Variants in DBT observed in about 807,000 individuals in gnomAD.
DBT encodes dihydrolipoamide branched chain transacylase E2.
A neutral mutation model predicts 51.3 loss-of-function variants in DBT; 40 were observed. That is an observed-to-expected ratio of 0.78 (90% CI 0.61 to 1.02). The LOEUF (loss-of-function observed/expected upper bound fraction) is 1.02. Ranked by LOEUF, DBT falls within the 50% of genes least tolerant of loss-of-function variation. The pLI, the probability that DBT is intolerant of heterozygous loss-of-function variation, is 0.00. For synonymous variants in DBT, 181 were observed against 190.4 expected (o/e 0.95, Z 0.41); for missense variants, 510 against 580.2 (o/e 0.88, Z 1.24).
intron 7 of DBT, chr1:100,213,521 G>A (rs921667920): frequency 6.4e-7 from 1 of 1,550,390 alleles, no homozygotes; most frequent in Non-Finnish European, 8.9e-7. Context: ...GGTCGTGGGA[G>A]GCTGTCCCGT....
rs766612235 is a variant in DBT at position 100,196,442 on chromosome 1, A to G, written c.1282-20T>C. ...AATGGCCTAGAAATGAAAAAAAAAAAAAAAAAAAAAAAAAAAAGAACAAAG... is the reference window on the plus strand; with the variant it reads ...AATGGCCTAGAAATGAAAAAAAAAAGAAAAAAAAAAAAAAAAAGAACAAAG... On this transcript the variant is annotated intron_variant, in intron 10 of 10. Coordinates refer to ENST00000370132, the MANE Select transcript of DBT (RefSeq NM_001918.5). 12 of 1,449,310 alleles carry G rather than the reference A, an allele frequency of 8.3e-6. No individual in the cohort carries two copies. Among genetic ancestry groups the G allele is most frequent in the Non-Finnish European group, 1.0e-5 (11 of 1,054,632 alleles). The allele number at this position is 1,449,310 out of a possible 1,614,324, so 89.8% of individuals were successfully genotyped here. A position where few individuals can be genotyped will look rare whatever the true frequency, so the allele number is the denominator to read the frequency against.
chr1:100,229,606 G>A (rs1389123507), intron 4 of DBT, among the ~76,000 whole-genome samples: 1 of 152,140 alleles, frequency 6.6e-6, no homozygotes, highest in East Asian at 1.9e-4. Flanking sequence ...TTGTTCCACC[G>A]ACTGTAGAAC....
chr1:100,225,048 T>TACAC (rs1308736153), intron 4 of DBT, among the ~76,000 whole-genome samples: 4 of 63,456 alleles, frequency 6.3e-5, no homozygotes, highest in East Asian at 7.7e-4. Context: ...AAAAAATATA[T>TACAC]ATATACACAC....
At chr1:100,228,234 A>C (rs1663338312) in intron 4 of DBT, among the ~76,000 whole-genome samples, 1 of 152,224 alleles carries the variant, frequency 6.6e-6, no homozygotes, top group Non-Finnish European at 1.5e-5. Context: ...CAATGCAACA[A>C]GACAAATCCA....
chr1:100,246,571 A>C (rs1267383149), intron 1 of DBT, among the ~76,000 whole-genome samples: 1 of 152,250 alleles, frequency 6.6e-6, no homozygotes, highest in East Asian at 1.9e-4. Context: ...AATGTAAAAC[A>C]CAACATTATA....
chr1:100,246,658 CT>C (rs1315606454), intron 1 of DBT, among the ~76,000 whole-genome samples: 5 of 149,802 alleles, frequency 3.3e-5, no homozygotes, highest in South Asian at 2.1e-4. Flanking sequence ...ACAAACCTGA[CT>C]TTTTTTTTTA....
chr1:100,237,450 C>G (rs1167827791), intron 2 of DBT, among the ~76,000 whole-genome samples: 1 of 152,108 alleles, frequency 6.6e-6, no homozygotes, highest in Admixed American at 6.5e-5. Context: ...TTGTTTGTTA[C>G]TCAGCAGTAA....
rs1393124311 is a variant in DBT at position 100,190,456 on chromosome 1, C to T, written c.*5799G>A. 5 of 152,328 alleles carry T rather than the reference C, an allele frequency of 3.3e-5. No individual in the cohort carries two copies. The highest frequency in any genetic ancestry group is 3.9e-4 in the East Asian group (2 of 5,190). 9.4% of individuals were successfully genotyped at this position (152,328 alleles called of 1,614,324 possible). A position where few individuals can be genotyped will look rare whatever the true frequency, so the allele number is the denominator to read the frequency against. ...AGGAACAAGGTTTATGGACACATAA[C>T]ATTACCCTGCCACAATGAAATTTGT... On this transcript the variant is annotated 3_prime_UTR_variant, in exon 11 of 11. Coordinates refer to ENST00000370132, the MANE Select transcript of DBT (RefSeq NM_001918.5).
rs984826061 is a variant in DBT, at chr1:100,240,665, T to A, written c.175+96A>T. 33 of 1,056,306 alleles carry A rather than the reference T, an allele frequency of 3.1e-5. No homozygotes were observed. The African/African-American group carries it at 4.6e-4, about 15-fold the overall frequency. 65.4% of individuals were successfully genotyped at this position (1,056,306 alleles called of 1,614,324 possible). On this transcript the variant is annotated intron_variant, in intron 2 of 10. Transcript: ENST00000370132. Reference sequence around the variant, plus strand: ...CCGGCTAGAAATACAGAGTCAACTTTTTTTTGTTTAAAAAGTCTCAATCAA... The same window carrying A: ...CCGGCTAGAAATACAGAGTCAACTTATTTTTGTTTAAAAAGTCTCAATCAA...
chr1:100,230,640 A>AC (rs1663496619), intron 4 of DBT, 93 bp downstream of exon 4: 2 of 809,816 alleles, frequency 2.5e-6, no homozygotes, highest in Non-Finnish European at 1.9e-6. Flanking sequence ...AAAAAAAAAA[A>AC]ACAAAAAAAC....
intron 3 of DBT, among the ~76,000 whole-genome samples, chr1:100,233,457 G>C (rs1028976687): frequency 6.6e-6 from 1 of 151,946 alleles, no homozygotes; most frequent in Non-Finnish European, 1.5e-5. Flanking sequence ...CTATTCCCAG[G>C]CTTCATTTTA....
In DBT at chr1:100,189,682, G is replaced by T. The variant is rs1055792139; in HGVS notation, c.*6573C>A. 11 of 152,156 alleles carry T rather than the reference G, an allele frequency of 7.2e-5. No homozygotes were observed. The highest frequency in any genetic ancestry group is 2.7e-4 in the African/African-American group (11 of 41,440). The allele number at this position is 152,156 out of a possible 1,614,324, so 9.4% of individuals were successfully genotyped here. ...GAAGTTTGGCAGAAGGAGCAAGACA[G>T]GAAATTTATTCATTTAGTGGCAGTC... On this transcript the variant is annotated 3_prime_UTR_variant, in exon 11 of 11. Transcript: ENST00000370132.
At chr1:100,211,197 A>G (rs991917731) in intron 7 of DBT, 2 of 751,222 alleles carry the variant, frequency 2.7e-6, no homozygotes, top group Admixed American at 1.9e-5. Flanking sequence ...GAGGATTTCA[A>G]AGCGCACTGA....
intron 10 of DBT, among the ~76,000 whole-genome samples, chr1:100,204,024 C>T (rs1661608915): frequency 6.6e-6 from 1 of 152,152 alleles, no homozygotes; most frequent in Non-Finnish European, 1.5e-5. Context: ...TGGAAGCATT[C>T]CCTCTGAAAA....
chr1:100,232,698 G>C (rs1028270148), intron 3 of DBT, among the ~76,000 whole-genome samples: 5 of 152,068 alleles, frequency 3.3e-5, no homozygotes, highest in Admixed American at 2.0e-4. Flanking sequence ...CTGCATCCTG[G>C]GTTCAAGCCA....
At chr1:100,214,523 C>G (rs887779810) in intron 7 of DBT, among the ~76,000 whole-genome samples, 11 of 152,046 alleles carry the variant, frequency 7.2e-5, no homozygotes, top group Middle Eastern at 3.4e-3. Flanking sequence ...GAGGCTGGGG[C>G]GGGGGTGGAT....
At position 100,187,399 on chromosome 1, in the gene DBT, A is replaced by G. The variant is rs1660612029; in HGVS notation, c.*8856T>C. 1 of 152,256 alleles carries G rather than the reference A, an allele frequency of 6.6e-6. No individual in the cohort carries two copies. Among genetic ancestry groups the G allele is most frequent in the African/African-American group, 2.4e-5 (1 of 41,462 alleles). The allele number at this position is 152,256 out of a possible 1,614,324, so 9.4% of individuals were successfully genotyped here. A position where few individuals can be genotyped will look rare whatever the true frequency, so the allele number is the denominator to read the frequency against. On this transcript the variant is annotated 3_prime_UTR_variant, in exon 11 of 11. Transcript: ENST00000370132. ...GCTCATCCCACTTTTATTTTTATGC[A>G]CTACTTTTAGTTCTGCAGAAATAAA...
At chr1:100,213,300 A>G (rs1662267531) in intron 7 of DBT, 2 of 1,473,866 alleles carry the variant, frequency 1.4e-6, no homozygotes, top group Non-Finnish European at 9.0e-7. Context: ...GCCATGGACC[A>G]CAAGACTCTG....
Position 100,190,962 on chromosome 1 carries a change from T to C in DBT, c.*5293A>G, listed in dbSNP as rs1557936446. ...CAGACTAATCTGGTAATCCAGATATTTCACAGAAAGTGTCATGTAAATTCA... is the reference window on the plus strand; with the variant it reads ...CAGACTAATCTGGTAATCCAGATATCTCACAGAAAGTGTCATGTAAATTCA... On this transcript the variant is annotated 3_prime_UTR_variant, in exon 11 of 11. Coordinates refer to ENST00000370132, the MANE Select transcript of DBT (RefSeq NM_001918.5). 2 of 152,244 alleles carry C rather than the reference T, an allele frequency of 1.3e-5. No individual in the cohort carries two copies. Among genetic ancestry groups the C allele is most frequent in the Admixed American group, 1.3e-4 (2 of 15,282 alleles). 9.4% of individuals were successfully genotyped at this position (152,244 alleles called of 1,614,324 possible).
Sources: gnomAD v4.1 joint callset for allele counts (sites outside exome capture counted in the v4.1 genomes callset) on GRCh38, gnomAD v4.1.1 for gene constraint, MANE v1.5 for transcripts, NCBI Gene and HGNC (gene_info 2026-07-23, HGNC 2026-07-21) for gene names.